SCHIP1: variants seen among roughly 807,000 people sequenced by gnomAD.
SCHIP1 encodes the protein schwannomin interacting protein 1.
SCHIP1 carries 8 observed loss-of-function variants against 29.7 expected under a neutral mutation model. The ratio of observed to expected loss-of-function variants is 0.27; its 90% CI spans 0.16 to 0.49. SCHIP1 has a LOEUF of 0.49. SCHIP1 is among the 20% of genes least tolerant of loss of function. SCHIP1 has a pLI of 0.99. For synonymous variants in SCHIP1, 76 were observed against 94.9 expected (o/e 0.80, Z 1.16); for missense variants, 193 against 294.6 (o/e 0.66, Z 2.52).
the SCHIP1 span, among the ~76,000 whole-genome samples, chr3:159,308,654 A>T: frequency 1.3e-5 from 2 of 152,218 alleles, no homozygotes; most frequent in Non-Finnish European, 2.9e-5. Context: ...CAGCAATCCC[A>T]TCACTGGGTA....
the SCHIP1 span, among the ~76,000 whole-genome samples, chr3:159,304,898 C>T: frequency 6.6e-6 from 1 of 152,126 alleles, no homozygotes; most frequent in African/African-American, 2.4e-5. Flanking sequence ...CTCAGAAATC[C>T]CTGCCTCTGT....
chr3:159,841,063 A>G (rs144856684), intron 1 of SCHIP1, among the ~76,000 whole-genome samples: 69 of 152,322 alleles, frequency 4.5e-4, no homozygotes, highest in South Asian at 1.0e-3. Context: ...GATATTACTC[A>G]ACTGACTGAG....
the SCHIP1 span, among the ~76,000 whole-genome samples, chr3:159,337,662 A>G: frequency 6.6e-6 from 1 of 152,122 alleles, no homozygotes; most frequent in Non-Finnish European, 1.5e-5. Flanking sequence ...CTGTCTTCTA[A>G]TCATGTTTCT....
the SCHIP1 span, among the ~76,000 whole-genome samples, chr3:159,350,544 C>T: frequency 6.6e-6 from 1 of 152,078 alleles, no homozygotes; most frequent in Non-Finnish European, 1.5e-5. Flanking sequence ...TTGGAGTAAA[C>T]TGGTCTTTTC....
chr3:159,702,985 C>T, the SCHIP1 span, among the ~76,000 whole-genome samples: 1 of 152,160 alleles, frequency 6.6e-6, no homozygotes. Flanking sequence ...CTTCCTTAAA[C>T]AATTGTCAGT....
the SCHIP1 span, among the ~76,000 whole-genome samples, chr3:159,766,351 T>G: frequency 6.6e-6 from 1 of 152,224 alleles, no homozygotes; most frequent in Non-Finnish European, 1.5e-5. Context: ...TGACAGAGCC[T>G]GCTGGTTAGT....
At chr3:159,606,017 G>GCA in the SCHIP1 span, among the ~76,000 whole-genome samples, 163 of 152,286 alleles carry the variant, frequency 1.1e-3, no homozygotes, top group Middle Eastern at 3.4e-3. Flanking sequence ...ATAGCAGAAA[G>GCA]CACTCGAACT....
the SCHIP1 span, among the ~76,000 whole-genome samples, chr3:159,459,827 A>T: frequency 1.3e-5 from 2 of 152,128 alleles, no homozygotes; most frequent in Non-Finnish European, 2.9e-5. Flanking sequence ...AGAGGAGGAG[A>T]TTTAGACACA....
At chr3:159,789,730 C>T in the SCHIP1 span, among the ~76,000 whole-genome samples, 2 of 152,168 alleles carry the variant, frequency 1.3e-5, no homozygotes, top group Non-Finnish European at 2.9e-5. Flanking sequence ...CCCTTAGCCT[C>T]GTGGCCCAGA....
chr3:159,803,155 T>C, the SCHIP1 span, among the ~76,000 whole-genome samples: 1 of 151,314 alleles, frequency 6.6e-6, no homozygotes, highest in Admixed American at 6.6e-5. Flanking sequence ...TAAGCATCCA[T>C]ATGCCCAGCT....
the SCHIP1 span, among the ~76,000 whole-genome samples, chr3:159,573,937 C>G: frequency 1.3e-5 from 2 of 152,166 alleles, no homozygotes; most frequent in Non-Finnish European, 2.9e-5. Flanking sequence ...ACAAAGTTCT[C>G]GTGCCATGGT....
chr3:159,507,779 T>G, the SCHIP1 span, among the ~76,000 whole-genome samples: 1 of 152,182 alleles, frequency 6.6e-6, no homozygotes, highest in Admixed American at 6.5e-5. Flanking sequence ...TTATTGATTT[T>G]GGTATGTTGA....
chr3:159,495,560 G>C, the SCHIP1 span, among the ~76,000 whole-genome samples: 3 of 152,094 alleles, frequency 2.0e-5, no homozygotes, highest in Admixed American at 2.0e-4. Flanking sequence ...GGGATGTGAA[G>C]GACCTCTTCA....
the SCHIP1 span, among the ~76,000 whole-genome samples, chr3:159,599,827 T>C: frequency 2.6e-5 from 4 of 152,318 alleles, no homozygotes; most frequent in African/African-American, 9.6e-5. Context: ...TTTTATGCTT[T>C]CATGTGTTTT....
At chr3:159,721,469 G>GA in the SCHIP1 span, 1 of 152,764 alleles carries the variant, frequency 6.5e-6, no homozygotes, top group African/African-American at 2.4e-5. Context: ...ATTTTTCCAT[G>GA]AAAGGGATGG....
At chr3:159,299,538 A>C in the SCHIP1 span, among the ~76,000 whole-genome samples, 1 of 152,158 alleles carries the variant, frequency 6.6e-6, no homozygotes, top group Admixed American at 6.5e-5. Flanking sequence ...CACCAAAAAG[A>C]AAGGTTGTTT....
the SCHIP1 span, among the ~76,000 whole-genome samples, chr3:159,691,628 T>C: frequency 1.3e-5 from 2 of 152,152 alleles, no homozygotes; most frequent in African/African-American, 2.4e-5. Context: ...ATGTGTGAAT[T>C]TGATCCTGTC....
the SCHIP1 span, among the ~76,000 whole-genome samples, chr3:159,819,291 C>T: frequency 1.3e-5 from 2 of 152,168 alleles, no homozygotes; most frequent in Non-Finnish European, 2.9e-5. Flanking sequence ...TGCTGTGCCT[C>T]TTTTGACCTA....
the SCHIP1 span, among the ~76,000 whole-genome samples, chr3:159,700,300 A>T: frequency 5.3e-5 from 8 of 152,240 alleles, no homozygotes; most frequent in Admixed American, 4.6e-4. Context: ...CAAGTGATGC[A>T]GTTTCTCCAA....
Sources: gnomAD v4.1 joint callset for allele counts (sites outside exome capture counted in the v4.1 genomes callset) on GRCh38, gnomAD v4.1.1 for gene constraint, MANE v1.5 for transcripts, NCBI Gene and HGNC (gene_info 2026-07-23, HGNC 2026-07-21) for gene names.